Variants in HMGXB4 observed in about 807,000 individuals in gnomAD.
HMGXB4 encodes HMG domain-containing protein 4.
In HMGXB4, 27 loss-of-function variants were observed where a neutral mutation model predicts 63.9. The observed-to-expected ratio is 0.42, with a 90% CI of 0.31 to 0.58. HMGXB4 has a LOEUF of 0.58. Among genes scored for constraint, HMGXB4 ranks in the 20% least tolerant of loss-of-function variants. The pLI, the probability that HMGXB4 is intolerant of heterozygous loss-of-function variation, is 0.13. For synonymous variants in HMGXB4, 264 were observed against 265.3 expected (o/e 0.99, Z 0.05); for missense variants, 624 against 700.7 (o/e 0.89, Z 1.24).
At chr22:35,267,959 A>G (rs1447957722) in intron 5 of HMGXB4, among the ~76,000 whole-genome samples, 2 of 152,182 alleles carry the variant, frequency 1.3e-5, no homozygotes, top group East Asian at 3.8e-4. Context: ...GAATTTGTAA[A>G]TATGAAATTT....
chr22:35,252,682 G>T (rs1922238074), upstream of HMGXB4, among the ~76,000 whole-genome samples: 1 of 152,226 alleles, frequency 6.6e-6, no homozygotes, highest in Non-Finnish European at 1.5e-5. Flanking sequence ...GCTGGCAAAA[G>T]TGGTGGAGTG....
At chr22:35,267,567 T>C (rs553411933) in intron 5 of HMGXB4, among the ~76,000 whole-genome samples, 1 of 152,218 alleles carries the variant, frequency 6.6e-6, no homozygotes, top group South Asian at 2.1e-4. Flanking sequence ...GCCTGCTAAA[T>C]ATTTCTACTT....
intron 2 of HMGXB4, 189 bp from the exon 3 acceptor site, chr22:35,262,889 C>G (rs1165794858): frequency 3.3e-6 from 2 of 613,262 alleles, no homozygotes; most frequent in African/African-American, 3.7e-5. Flanking sequence ...AGGTTTGATT[C>G]TTGTATTTGC....
chr22:35,276,772 A>T (rs1423215343), intron 5 of HMGXB4, among the ~76,000 whole-genome samples: 1 of 152,206 alleles, frequency 6.6e-6, no homozygotes, highest in Non-Finnish European at 1.5e-5. Context: ...TCTAAACAGG[A>T]CTGGCTTCAC....
intron 5 of HMGXB4, among the ~76,000 whole-genome samples, chr22:35,267,661 C>G: frequency 6.6e-6 from 1 of 150,680 alleles, no homozygotes; most frequent in East Asian, 1.9e-4. Flanking sequence ...TCCCGCCAGT[C>G]AACCCAAACT....
chr22:35,248,105 T>C, the HMGXB4 span, among the ~76,000 whole-genome samples: 1 of 152,186 alleles, frequency 6.6e-6, no homozygotes, highest in Non-Finnish European at 1.5e-5. Flanking sequence ...GTTACAATTG[T>C]ATTGTATCTA....
At chr22:35,257,102 G>A (rs1268893018), upstream of HMGXB4, among the ~76,000 whole-genome samples, 4 of 152,216 alleles carry the variant, frequency 2.6e-5, no homozygotes, top group Admixed American at 2.0e-4. Flanking sequence ...TTGCAAAGAG[G>A]AGAACTGCTG....
At chr22:35,253,081 G>A (rs539683250), upstream of HMGXB4, among the ~76,000 whole-genome samples, 17 of 147,348 alleles carry the variant, frequency 1.2e-4, no homozygotes, top group East Asian at 3.4e-3. Flanking sequence ...GCAGTGAGCC[G>A]AGGTCATGCC....
intron 1 of HMGXB4, chr22:35,258,334 C>T (rs1000643095): frequency 1.3e-5 from 2 of 152,184 alleles, no homozygotes; most frequent in African/African-American, 4.8e-5. Context: ...ACATCTCTGT[C>T]CCCTCTTTTG....
At chr22:35,282,246 G>C (rs564676199) in intron 5 of HMGXB4, among the ~76,000 whole-genome samples, 1 of 152,064 alleles carries the variant, frequency 6.6e-6, no homozygotes. Context: ...GTGCAATCTC[G>C]GCTTACTGCA....
chr22:35,281,253 G>A (rs1199910082), intron 5 of HMGXB4, among the ~76,000 whole-genome samples: 1 of 152,158 alleles, frequency 6.6e-6, no homozygotes, highest in African/African-American at 2.4e-5. Flanking sequence ...AGACAAGATT[G>A]TGGGTCTTTA....
chr22:35,262,594 C>T (rs184694269), intron 2 of HMGXB4, among the ~76,000 whole-genome samples, 173 bp downstream of exon 2: 6 of 152,218 alleles, frequency 3.9e-5, no homozygotes, highest in East Asian at 1.9e-4. Context: ...CCCATGGAAA[C>T]GAAAACCAGG....
upstream of HMGXB4, among the ~76,000 whole-genome samples, chr22:35,252,584 C>T (rs1276356808): frequency 2.0e-5 from 3 of 152,180 alleles, no homozygotes; most frequent in Non-Finnish European, 2.9e-5. Flanking sequence ...GTATATGCCA[C>T]GTTTATCTAT....
intron 5 of HMGXB4, among the ~76,000 whole-genome samples, chr22:35,272,176 A>G (rs999422794): frequency 1.3e-5 from 2 of 152,182 alleles, no homozygotes; most frequent in Non-Finnish European, 2.9e-5. Flanking sequence ...GGGGGCGGCT[A>G]TGTTGGAGGA....
intron 2 of HMGXB4, 100 bp downstream of exon 2, chr22:35,262,521 C>A: frequency 8.4e-7 from 1 of 1,192,348 alleles, no homozygotes; most frequent in Non-Finnish European, 1.3e-6. Flanking sequence ...ACAGCCTGGA[C>A]TCCCAAGTGA....
chr22:35,293,230 G>A, intron 10 of HMGXB4, 116 bp downstream of exon 10: 1 of 1,175,994 alleles, frequency 8.5e-7, no homozygotes. Flanking sequence ...TCCTTCATCT[G>A]TTGGCCCATG....
At chr22:35,276,309 C>T (rs975696428) in intron 5 of HMGXB4, among the ~76,000 whole-genome samples, 11 of 152,220 alleles carry the variant, frequency 7.2e-5, no homozygotes, top group Non-Finnish European at 1.5e-4. Flanking sequence ...ATTTTTCTCT[C>T]CACCACCAGA....
chr22:35,266,716 C>T (rs1923271670), intron 5 of HMGXB4, among the ~76,000 whole-genome samples: 2 of 152,186 alleles, frequency 1.3e-5, no homozygotes, highest in African/African-American at 2.4e-5. Flanking sequence ...GGTGTGGTGG[C>T]TCATGCCTGT....
In HMGXB4 at chr22:35,263,136, A is replaced by C. The variant is rs747543978; in HGVS notation, c.90A>C (p.Gln30His). 6.2e-7 allele frequency: 1 copy of C among 1,614,138 alleles called. No homozygotes were observed. The highest frequency in any genetic ancestry group is 1.7e-5 in the Admixed American group (1 of 60,018). Residue 30 changes from glutamine to histidine, a missense_variant, in exon 3 of 11, where the codon CAA becomes CAC. Gln to His is a conservative substitution (Grantham distance 24). Coordinates refer to ENST00000216106, the MANE Select transcript of HMGXB4 (RefSeq NM_001003681.3). ...TAGGACTTGCAGCTGGCCGAAGCCA[A>C]CGAGAGAAAAAACGTTCTTACAAAG... ...EDIGLAAGRSQREKKRSYKDF... is the reference protein window; with the variant it reads ...EDIGLAAGRSHREKKRSYKDF...
Sources: allele counts gnomAD v4.1 joint callset (sites outside exome capture counted in the v4.1 genomes callset), GRCh38; gene constraint gnomAD v4.1.1; transcripts MANE v1.5; gene names NCBI Gene and HGNC (gene_info 2026-07-23, HGNC 2026-07-21).